Variants in CORIN observed in about 807,000 individuals in gnomAD.
The protein encoded by CORIN is corin, serine peptidase, also known as atrial natriuretic peptide-converting enzyme.
A neutral mutation model predicts 125.3 loss-of-function variants in CORIN; 117 were observed. The ratio of observed to expected loss-of-function variants is 0.93; its 90% confidence interval spans 0.80 to 1.09. The LOEUF (loss-of-function observed/expected upper bound fraction) is 1.09. Among genes scored for constraint, CORIN ranks in the 50% least tolerant of loss-of-function variants. The pLI is 0.00. For missense variants in CORIN, 1,253 were observed against 1,306.7 expected (o/e 0.96, Z 0.63); for synonymous variants, 450 against 466.4 (o/e 0.96, Z 0.45).
Position 47,595,298 on chromosome 4 carries a change from T to C in CORIN, c.*423A>G, listed in dbSNP as rs555997509. 6.5e-6 allele frequency: 1 copy of C among 153,214 alleles called. No individual in the cohort carries two copies. Among genetic ancestry groups the C allele is most frequent in the Non-Finnish European group, 1.5e-5 (1 of 68,740 alleles). 9.5% of individuals were successfully genotyped at this position (153,214 alleles called of 1,614,324 possible). A position where few individuals can be genotyped will look rare whatever the true frequency, so the allele number is the denominator to read the frequency against. ...CAATGTTAACACTGAAATTTACCAC[T>C]ATGCACTGAGCTTGAGAAACAAAAA... On this transcript the variant is annotated 3_prime_UTR_variant, in exon 22 of 22. Coordinates refer to ENST00000273857, the MANE Select transcript of CORIN (RefSeq NM_006587.4).
At chr4:47,616,457 G>GA (rs1311610035) in intron 19 of CORIN, among the ~76,000 whole-genome samples, 4 of 151,858 alleles carry the variant, frequency 2.6e-5, no homozygotes, top group East Asian at 1.9e-4. Flanking sequence ...AAAATGAGCT[G>GA]AAAAAAGAGA....
At chr4:47,771,195 T>C (rs1318750542) in intron 3 of CORIN, among the ~76,000 whole-genome samples, 4 of 152,114 alleles carry the variant, frequency 2.6e-5, no homozygotes, top group Non-Finnish European at 5.9e-5. Flanking sequence ...AAATTTTTGG[T>C]GCCTGTTCCT....
At chr4:47,800,283 TA>T (rs1731484295) in intron 2 of CORIN, among the ~76,000 whole-genome samples, 1 of 151,792 alleles carries the variant, frequency 6.6e-6, no homozygotes, top group South Asian at 2.1e-4. Flanking sequence ...AACTAATAAT[TA>T]ATTAATTAAA....
chr4:47,768,268 C>A (rs1729859453), intron 3 of CORIN, among the ~76,000 whole-genome samples: 1 of 152,202 alleles, frequency 6.6e-6, no homozygotes, highest in South Asian at 2.1e-4. Flanking sequence ...AAGGAAACAG[C>A]CTTGTTGCTC....
At chr4:47,617,994 T>C (rs1722134873) in intron 19 of CORIN, among the ~76,000 whole-genome samples, 1 of 147,262 alleles carries the variant, frequency 6.8e-6, no homozygotes, top group African/African-American at 2.5e-5. Context: ...GTAATCTGCA[T>C]TCTTCAGTAA....
chr4:47,716,465 C>A (rs1165025411), intron 5 of CORIN, among the ~76,000 whole-genome samples: 8 of 152,166 alleles, frequency 5.3e-5, no homozygotes, highest in Admixed American at 1.3e-4. Flanking sequence ...TAGCAAAAAA[C>A]CGTGTAAACA....
chr4:47,704,608 T>C (rs573436487), intron 5 of CORIN, among the ~76,000 whole-genome samples: 4 of 152,086 alleles, frequency 2.6e-5, no homozygotes, highest in Non-Finnish European at 5.9e-5. Context: ...ACTTTATCCA[T>C]AAAGAGGGAA....
intron 12 of CORIN, among the ~76,000 whole-genome samples, chr4:47,658,857 CA>C (rs1724113445): frequency 6.6e-6 from 1 of 152,226 alleles, no homozygotes; most frequent in Non-Finnish European, 1.5e-5. Context: ...GCAAATTTTC[CA>C]CACTTTTATG....
At chr4:47,722,877 G>A (rs1727420516) in intron 5 of CORIN, among the ~76,000 whole-genome samples, 1 of 152,206 alleles carries the variant, frequency 6.6e-6, no homozygotes, top group Non-Finnish European at 1.5e-5. Context: ...AGCGGACTAG[G>A]AAGGGAAATA....
At chr4:47,705,614 G>A (rs1158312974) in intron 5 of CORIN, among the ~76,000 whole-genome samples, 2 of 152,214 alleles carry the variant, frequency 1.3e-5, no homozygotes, top group Non-Finnish European at 2.9e-5. Flanking sequence ...GGAGGAGACA[G>A]ATTGATCAAT....
intron 3 of CORIN, among the ~76,000 whole-genome samples, chr4:47,775,031 G>A (rs889640497): frequency 2.0e-5 from 3 of 152,100 alleles, no homozygotes; most frequent in Non-Finnish European, 4.4e-5. Context: ...ATTAACAAGT[G>A]TAATGTATAC....
chr4:47,815,251 A>T (rs1489442488), intron 1 of CORIN, among the ~76,000 whole-genome samples: 2 of 152,126 alleles, frequency 1.3e-5, no homozygotes, highest in African/African-American at 2.4e-5. Flanking sequence ...GAAATTAGTA[A>T]AGCAAAAGAA....
intron 19 of CORIN, among the ~76,000 whole-genome samples, chr4:47,612,867 T>C (rs1721923897): frequency 6.6e-6 from 1 of 152,164 alleles, no homozygotes; most frequent in Non-Finnish European, 1.5e-5. Context: ...TCAAATATGA[T>C]AGAAAGCTAG....
At chr4:47,786,600 A>G in intron 3 of CORIN, 125 bp downstream of exon 3, 1 of 709,126 alleles carries the variant, frequency 1.4e-6, no homozygotes, top group Non-Finnish European at 2.4e-6. Flanking sequence ...GCTTACCAGG[A>G]AACTGAGTGG....
intron 5 of CORIN, among the ~76,000 whole-genome samples, chr4:47,704,276 G>C (rs369109101): frequency 2.0e-5 from 3 of 152,040 alleles, no homozygotes; most frequent in Non-Finnish European, 2.9e-5. Flanking sequence ...TAATTAACTC[G>C]CATTCCAGAG....
chr4:47,615,177 T>C (rs530177952), intron 19 of CORIN, among the ~76,000 whole-genome samples: 1 of 152,232 alleles, frequency 6.6e-6, no homozygotes, highest in South Asian at 2.1e-4. Context: ...TAGAGCCCAG[T>C]GAGTGATGGG....
chr4:47,604,582 C>G (rs1203179129), intron 19 of CORIN, among the ~76,000 whole-genome samples: 1 of 152,208 alleles, frequency 6.6e-6, no homozygotes, highest in African/African-American at 2.4e-5. Context: ...GAACTTAATA[C>G]TATAATCAAC....
chr4:47,775,257 T>C (rs1386834624), intron 3 of CORIN, among the ~76,000 whole-genome samples: 2 of 152,206 alleles, frequency 1.3e-5, no homozygotes, highest in South Asian at 2.1e-4. Flanking sequence ...CTAGGGTACA[T>C]GTGCACAACG....
At chr4:47,641,254 C>T (rs944572748) in intron 16 of CORIN, among the ~76,000 whole-genome samples, 4 of 152,166 alleles carry the variant, frequency 2.6e-5, no homozygotes, top group African/African-American at 4.8e-5. Context: ...TCTTCAATTT[C>T]TCTAATTTCT....
Sources: gnomAD v4.1 joint callset for allele counts (sites outside exome capture counted in the v4.1 genomes callset) on GRCh38, gnomAD v4.1.1 for gene constraint, MANE v1.5 for transcripts, NCBI Gene and HGNC (gene_info 2026-07-23, HGNC 2026-07-21) for gene names.